The following ENOX1 variants were observed in gnomAD, a reference collection of about 807,000 sequenced individuals.
ENOX1 encodes candidate growth-related and time keeping constitutive hydroquinone (NADH) oxidase.
A neutral mutation model predicts 82.5 loss-of-function variants in ENOX1; 42 were observed. The observed-to-expected ratio is 0.51, with a 90% confidence interval of 0.40 to 0.66. ENOX1 has a LOEUF of 0.66. ENOX1 is among the 30% of genes least tolerant of loss of function. The pLI, the probability that ENOX1 is intolerant of heterozygous loss-of-function variation, is 0.00. For synonymous variants in ENOX1, 271 were observed against 282.2 expected (o/e 0.96, Z 0.40); for missense variants, 608 against 811.6 (o/e 0.75, Z 3.05).
intron 10 of ENOX1, among the ~76,000 whole-genome samples, chr13:43,325,286 G>A (rs1202335772): frequency 6.6e-6 from 1 of 152,152 alleles, no homozygotes; most frequent in Non-Finnish European, 1.5e-5. Flanking sequence ...ACCACCGTAG[G>A]CATTAGTGAA....
intron 1 of ENOX1, among the ~76,000 whole-genome samples, chr13:43,690,214 A>G (rs1388033037): frequency 6.6e-6 from 1 of 150,686 alleles, no homozygotes. Context: ...TATTTAGAAC[A>G]CTCTTTTTAG....
chr13:43,498,404 G>A (rs2076866659), intron 2 of ENOX1, among the ~76,000 whole-genome samples: 1 of 151,954 alleles, frequency 6.6e-6, no homozygotes, highest in Non-Finnish European at 1.5e-5. Flanking sequence ...AGAAAATAAT[G>A]ATAATAATAA....
chr13:43,761,740 A>ACCATGTTTG (rs1950988405), intron 1 of ENOX1, among the ~76,000 whole-genome samples: 1 of 152,214 alleles, frequency 6.6e-6, no homozygotes, highest in African/African-American at 2.4e-5. Flanking sequence ...ATGTTCTTGC[A>ACCATGTTTG]GCTTTAAGCC....
intron 2 of ENOX1, among the ~76,000 whole-genome samples, chr13:43,495,430 T>C (rs578137071): frequency 1.3e-5 from 2 of 152,308 alleles, no homozygotes; most frequent in South Asian, 4.1e-4. Context: ...AGATAGCATA[T>C]GTTCTTTTAT....
At chr13:43,597,582 C>T (rs1158735573) in intron 2 of ENOX1, among the ~76,000 whole-genome samples, 2 of 152,180 alleles carry the variant, frequency 1.3e-5, no homozygotes, top group African/African-American at 4.8e-5. Context: ...GGATTATTAC[C>T]TCCATTCCTA....
At chr13:43,710,230 T>A (rs953570603) in intron 1 of ENOX1, among the ~76,000 whole-genome samples, 8 of 152,094 alleles carry the variant, frequency 5.3e-5, no homozygotes, top group African/African-American at 1.9e-4. Context: ...CAGGATCAGA[T>A]AAAGTTTATC....
chr13:43,572,828 C>T (rs1012314815), intron 2 of ENOX1, among the ~76,000 whole-genome samples: 1 of 152,226 alleles, frequency 6.6e-6, no homozygotes. Context: ...TCTATCCCTG[C>T]TGTTAGAGGG....
At chr13:43,444,759 TAC>T (rs57876533) in intron 3 of ENOX1, among the ~76,000 whole-genome samples, 145 of 152,336 alleles carry the variant, frequency 9.5e-4, no homozygotes, top group Non-Finnish European at 1.7e-3. Flanking sequence ...GAGTTCTACA[TAC>T]AGAGTCAAGT....
chr13:43,496,705 C>G (rs2076808215), intron 2 of ENOX1, among the ~76,000 whole-genome samples: 1 of 152,092 alleles, frequency 6.6e-6, no homozygotes, highest in South Asian at 2.1e-4. Context: ...GAGCCTTTCT[C>G]CTATATGTAA....
intron 14 of ENOX1, among the ~76,000 whole-genome samples, chr13:43,263,222 C>T (rs1438328441): frequency 6.6e-6 from 1 of 152,148 alleles, no homozygotes; most frequent in East Asian, 1.9e-4. Context: ...ATAAAACAGG[C>T]AGTGATTGTA....
intron 1 of ENOX1, among the ~76,000 whole-genome samples, chr13:43,684,890 T>C (rs299350): frequency 0.88 from 134,588 of 152,130 alleles, 60,364 homozygotes; most frequent in East Asian, 0.99. Flanking sequence ...CTCAGTCAAA[T>C]CAAAAAAAAT....
intron 2 of ENOX1, among the ~76,000 whole-genome samples, chr13:43,629,181 T>C (rs1465284386): frequency 6.6e-6 from 1 of 152,152 alleles, no homozygotes; most frequent in African/African-American, 2.4e-5. Flanking sequence ...TGAAAGAAAG[T>C]CTAGCTTCTG....
intron 15 of ENOX1, among the ~76,000 whole-genome samples, chr13:43,227,446 T>A (rs1041320398): frequency 2.0e-5 from 3 of 152,228 alleles, no homozygotes; most frequent in Non-Finnish European, 4.4e-5. Flanking sequence ...AAAATTCTAT[T>A]AGTCTATTAT....
intron 1 of ENOX1, among the ~76,000 whole-genome samples, chr13:43,745,107 G>T (rs1327494121): frequency 1.3e-5 from 2 of 152,162 alleles, no homozygotes; most frequent in Admixed American, 6.6e-5. Context: ...TGGCCAGAAG[G>T]CTTCACAAGA....
chr13:43,733,057 C>T (rs568723638), intron 1 of ENOX1, among the ~76,000 whole-genome samples: 1 of 152,232 alleles, frequency 6.6e-6, no homozygotes, highest in Admixed American at 6.5e-5. Context: ...TCCTGGAAAC[C>T]TCCCTCCATA....
At chr13:43,515,544 C>A (rs1380563044) in intron 2 of ENOX1, among the ~76,000 whole-genome samples, 3 of 152,124 alleles carry the variant, frequency 2.0e-5, no homozygotes, top group African/African-American at 7.2e-5. Context: ...ATTCTCACAA[C>A]AACCTTACAA....
At chr13:43,761,642 T>C (rs1053463489) in intron 1 of ENOX1, among the ~76,000 whole-genome samples, 3 of 152,222 alleles carry the variant, frequency 2.0e-5, no homozygotes, top group African/African-American at 7.2e-5. Flanking sequence ...GCTCTTCAAC[T>C]TGAGGGACTG....
chr13:43,470,407 T>TATAC (rs2058017638), intron 3 of ENOX1, among the ~76,000 whole-genome samples: 1 of 132,184 alleles, frequency 7.6e-6, no homozygotes, highest in Non-Finnish European at 1.6e-5. Flanking sequence ...TGTGTATATA[T>TATAC]ATATATATAT....
At chr13:43,607,008 A>G (rs2153734946) in intron 2 of ENOX1, among the ~76,000 whole-genome samples, 1 of 152,286 alleles carries the variant, frequency 6.6e-6, no homozygotes, top group Admixed American at 6.5e-5. Context: ...ACCCTGTCTC[A>G]AAAAATACAT....
Sources: allele counts gnomAD v4.1 joint callset (sites outside exome capture counted in the v4.1 genomes callset), GRCh38; gene constraint gnomAD v4.1.1; transcripts MANE v1.5; gene names NCBI Gene and HGNC (gene_info 2026-07-23, HGNC 2026-07-21).